The following KIAA1217 variants were observed in gnomAD, a reference collection of about 807,000 sequenced individuals.
KIAA1217 encodes KIAA1217, also known as sickle tail protein homolog.
Under a neutral mutation model 163.9 loss-of-function variants are expected in KIAA1217, and 88 were observed. The ratio of observed to expected loss-of-function variants is 0.54; its 90% CI spans 0.45 to 0.64. The LOEUF (loss-of-function observed/expected upper bound fraction) is 0.64. Ranked by LOEUF, KIAA1217 falls within the 30% of genes least tolerant of loss-of-function variation. The probability of loss-of-function intolerance (pLI) is 0.00; values close to 1 mark genes in which losing one functional copy is unlikely to be tolerated. For missense variants in KIAA1217, 2,372 were observed against 2,475.0 expected (o/e 0.96, Z 0.88); for synonymous variants, 903 against 923.1 (o/e 0.98, Z 0.39).
At chr10:24,536,272 G>A (rs183822660) in intron 16 of KIAA1217, among the ~76,000 whole-genome samples, 3 of 152,216 alleles carry the variant, frequency 2.0e-5, no homozygotes, top group Admixed American at 6.5e-5. Context: ...AGAACACCTC[G>A]GAGCGCGGTA....
chr10:24,078,806 C>T (rs890967183), intron 2 of KIAA1217, among the ~76,000 whole-genome samples: 1 of 152,100 alleles, frequency 6.6e-6, no homozygotes, highest in Non-Finnish European at 1.5e-5. Flanking sequence ...AAGGCTGAAT[C>T]CAGGCCTTCT....
chr10:24,448,074 G>C (rs1276774412), intron 5 of KIAA1217, among the ~76,000 whole-genome samples: 2 of 152,050 alleles, frequency 1.3e-5, no homozygotes, highest in Non-Finnish European at 2.9e-5. Context: ...AGATTGCAGT[G>C]AGCCAAGATC....
intron 1 of KIAA1217, among the ~76,000 whole-genome samples, chr10:23,839,798 T>G (rs1335689857): frequency 6.6e-6 from 1 of 152,196 alleles, no homozygotes; most frequent in Admixed American, 6.5e-5. Flanking sequence ...CCAGGATTGA[T>G]GTCCCACCAC....
chr10:24,533,008 TC>T, intron 15 of KIAA1217, 61 bp from the exon 16 acceptor site: 1 of 1,488,042 alleles, frequency 6.7e-7, no homozygotes, highest in Non-Finnish European at 9.1e-7. Flanking sequence ...ATACGATCTG[TC>T]CCTTTTTTGC....
rs373570564 is a variant in KIAA1217 at position 23,757,402 on chromosome 10, C to A, written c.-321+62168C>A. Among the ~76,000 whole-genome samples, 9 of 151,966 alleles carry A rather than the reference C, an allele frequency of 5.9e-5. No homozygotes were observed. In the East Asian group the frequency reaches 7.7e-4, roughly 13 times the overall value. ...CACCGGTCATTTTTTATATTTTGTTCTTAATTAAAAAAAATTATAGCAGCC... is the reference window on the plus strand; with the variant it reads ...CACCGGTCATTTTTTATATTTTGTTATTAATTAAAAAAAATTATAGCAGCC... On this transcript the variant is annotated intron_variant, in intron 1 of 18. Coordinates refer to the KIAA1217 transcript ENST00000376462.
At chr10:24,162,024 G>T (rs1266818384) in intron 2 of KIAA1217, among the ~76,000 whole-genome samples, 1 of 152,192 alleles carries the variant, frequency 6.6e-6, no homozygotes, top group African/African-American at 2.4e-5. Flanking sequence ...TATCTGAGGT[G>T]CTCAGTGATG....
chr10:24,156,319 A>G (rs190111121), intron 2 of KIAA1217, among the ~76,000 whole-genome samples: 1 of 152,262 alleles, frequency 6.6e-6, no homozygotes, highest in African/African-American at 2.4e-5. Flanking sequence ...TTTACTGTTG[A>G]GTAGTAGCCT....
chr10:23,782,022 G>A (rs115892541), intron 1 of KIAA1217, among the ~76,000 whole-genome samples: 1,714 of 151,940 alleles, frequency 0.011, 31 homozygotes, highest in African/African-American at 0.04. Flanking sequence ...CTTTGTTTTC[G>A]TTTTTCAAGA....
chr10:24,438,615 A>T, intron 5 of KIAA1217, 136 bp downstream of exon 5: 1 of 603,206 alleles, frequency 1.7e-6, no homozygotes, highest in Non-Finnish European at 3.0e-6. Context: ...CTAGTGGATC[A>T]TTATTTGTTC....
chr10:23,778,746 T>C (rs193267070), intron 1 of KIAA1217, among the ~76,000 whole-genome samples: 12 of 152,352 alleles, frequency 7.9e-5, no homozygotes, highest in East Asian at 3.9e-4. Flanking sequence ...TGTGTCTTCC[T>C]GCAAGTCTGA....
intron 2 of KIAA1217, among the ~76,000 whole-genome samples, chr10:24,256,046 CAAAAAAAAAAAAAA>C (rs11358712): frequency 2.5e-5 from 2 of 79,106 alleles, no homozygotes; most frequent in South Asian, 1.0e-3. Flanking sequence ...CTCAGATGAC[CAAAAAAAAAAAAAA>C]AAAAAAAAAG....
intron 2 of KIAA1217, among the ~76,000 whole-genome samples, chr10:24,139,558 G>A (rs994537577): frequency 6.6e-6 from 1 of 152,072 alleles, no homozygotes; most frequent in Non-Finnish European, 1.5e-5. Flanking sequence ...TCATCTTTGA[G>A]TAAGGGCACA....
intron 1 of KIAA1217, among the ~76,000 whole-genome samples, chr10:23,719,555 T>A (rs758847354): frequency 1.3e-5 from 2 of 151,786 alleles, no homozygotes; most frequent in Non-Finnish European, 2.9e-5. Flanking sequence ...CACTCCAGCC[T>A]GGGTGACAAA....
At chr10:24,209,765 C>G (rs772186515) in intron 1 of KIAA1217, among the ~76,000 whole-genome samples, 8 of 152,182 alleles carry the variant, frequency 5.3e-5, no homozygotes, top group African/African-American at 9.7e-5. Context: ...ATCCGAGCAG[C>G]AGGGGAGGGC....
chr10:23,739,556 A>G (rs763182278), intron 1 of KIAA1217, among the ~76,000 whole-genome samples: 3 of 152,194 alleles, frequency 2.0e-5, no homozygotes, highest in Non-Finnish European at 4.4e-5. Context: ...GTGATGTCAG[A>G]GAGGGACAAG....
chr10:24,440,560 T>A (rs17454), intron 5 of KIAA1217, among the ~76,000 whole-genome samples: 15,874 of 152,048 alleles, frequency 0.1, 891 homozygotes, highest in East Asian at 0.18. Context: ...GGACTGAGAG[T>A]ATCGAATATT....
At chr10:24,382,503 A>C (rs1359939998) in intron 3 of KIAA1217, among the ~76,000 whole-genome samples, 2 of 151,838 alleles carry the variant, frequency 1.3e-5, no homozygotes, top group East Asian at 3.9e-4. Context: ...GTGTCAAATT[A>C]AATTTTGATC....
intron 3 of KIAA1217, among the ~76,000 whole-genome samples, chr10:24,412,745 G>C (rs2057905808): frequency 6.6e-6 from 1 of 152,134 alleles, no homozygotes; most frequent in South Asian, 2.1e-4. Context: ...CATGCCATCG[G>C]TGTGAATGGA....
intron 2 of KIAA1217, among the ~76,000 whole-genome samples, chr10:24,370,093 A>T (rs60582627): frequency 6.6e-6 from 1 of 151,820 alleles, no homozygotes; most frequent in Non-Finnish European, 1.5e-5. Context: ...GTGAAACCCC[A>T]TCTCTACTAC....
Sources: allele counts gnomAD v4.1 joint callset (sites outside exome capture counted in the v4.1 genomes callset), GRCh38; gene constraint gnomAD v4.1.1; transcripts MANE v1.5; gene names NCBI Gene and HGNC (gene_info 2026-07-23, HGNC 2026-07-21).